RORB: variants seen among roughly 807,000 people sequenced by gnomAD.
The protein encoded by RORB is nuclear receptor ROR-beta.
Under a neutral mutation model 59.1 loss-of-function variants are expected in RORB, and 6 were observed. The ratio of observed to expected loss-of-function variants is 0.10; its 90% CI spans 0.06 to 0.20. RORB has a LOEUF of 0.20. Among genes scored for constraint, RORB ranks in the 10% least tolerant of loss-of-function variants. The probability of loss-of-function intolerance (pLI) is 1.00; values close to 1 mark genes in which losing one functional copy is unlikely to be tolerated. For synonymous variants in RORB, 215 were observed against 204.5 expected (o/e 1.05, Z -0.44); for missense variants, 320 against 560.5 (o/e 0.57, Z 4.33).
In RORB at chr9:74,565,537, T is replaced by C. The variant is rs568050702; in HGVS notation, c.8-64745T>C. Among the ~76,000 whole-genome samples, 10 of 152,288 alleles carry C rather than the reference T, an allele frequency of 6.6e-5. No homozygotes were observed. In the South Asian group the frequency reaches 1.9e-3, roughly 28 times the overall value. On this transcript the variant is annotated intron_variant, in intron 1 of 9. Coordinates refer to ENST00000376896, the MANE Select transcript of RORB (RefSeq NM_006914.4). ...CTGTACCTTAGAGATCAAAGTGGTT[T>C]TGTTTACTTTTAATTTGATAAGTAG...
In RORB at chr9:74,667,891, G is replaced by C. The variant is rs267602268; in HGVS notation, c.1101G>C (p.Leu367=). The change falls in exon 8 of 10, where the codon CTG becomes CTC. Residue 367 remains leucine (L), a synonymous_variant. Coordinates refer to ENST00000376896, the MANE Select transcript of RORB (RefSeq NM_006914.4). ...TCGCTTTGTTCTCATCTGCTGTTCT[G>C]ATATCTCCAGGTAGGGCAGTCTCAG... The part of the protein sequence containing the change: ...EEIALFSSAV[L]ISPDRAWLIE... The C allele has an allele frequency of 1.2e-6, 2 of 1,601,794 alleles. No individual in the cohort carries two copies. The highest frequency in any genetic ancestry group is 1.7e-6 in the Non-Finnish European group (2 of 1,168,976).
At chr9:74,499,897 A>G (rs926679908) in intron 1 of RORB, among the ~76,000 whole-genome samples, 4 of 152,150 alleles carry the variant, frequency 2.6e-5, no homozygotes, top group Admixed American at 1.3e-4. Context: ...GACCTAGGGC[A>G]TAAAATCCGC....
At chr9:74,581,129 T>C (rs1822716758) in intron 1 of RORB, among the ~76,000 whole-genome samples, 1 of 152,124 alleles carries the variant, frequency 6.6e-6, no homozygotes, top group Admixed American at 6.6e-5. Context: ...TAAGAATGTA[T>C]TTACTAGCTT....
At chr9:74,654,363 AGAG>A (rs1824046248) in intron 4 of RORB, among the ~76,000 whole-genome samples, 2 of 145,760 alleles carry the variant, frequency 1.4e-5, no homozygotes, top group African/African-American at 5.3e-5. Flanking sequence ...AGAGAGAGAG[AGAG>A]AGAGAGTAAG....
chr9:74,624,135 T>C (rs772718385), intron 1 of RORB, among the ~76,000 whole-genome samples: 1 of 152,182 alleles, frequency 6.6e-6, no homozygotes, highest in African/African-American at 2.4e-5. Context: ...CATTATCATA[T>C]GGTAGTAATT....
chr9:74,570,755 CCA>C (rs1180553008), intron 1 of RORB, among the ~76,000 whole-genome samples: 2 of 151,986 alleles, frequency 1.3e-5, no homozygotes, highest in African/African-American at 4.8e-5. Context: ...ATGTGTCTCA[CCA>C]CAGAGCCTGA....
Position 74,533,795 on chromosome 9 carries a change from G to A in RORB, c.7+35812G>A, listed in dbSNP as rs763374148. 2.0e-5 allele frequency among the ~76,000 whole-genome samples: 3 copies of A among 151,796 alleles called. 1 individual carries two copies. Among genetic ancestry groups the A allele is most frequent in the Non-Finnish European group, 4.4e-5 (3 of 67,946 alleles). ...TAATTCCTTTTTACTAAATATATTC[G>A]TGCTGAAATTTCAGACTTTTAAGAA... On this transcript the variant is annotated intron_variant, in intron 1 of 9. Coordinates refer to ENST00000376896, the MANE Select transcript of RORB (RefSeq NM_006914.4).
At chr9:74,633,312 G>A (rs2118428460) in intron 2 of RORB, among the ~76,000 whole-genome samples, 1 of 152,296 alleles carries the variant, frequency 6.6e-6, no homozygotes, top group East Asian at 1.9e-4. Flanking sequence ...GGCCCTGCTT[G>A]TTCATCCTGT....
At chr9:74,650,438 C>G (rs1476613247) in intron 4 of RORB, among the ~76,000 whole-genome samples, 6 of 152,132 alleles carry the variant, frequency 3.9e-5, no homozygotes, top group African/African-American at 1.4e-4. Flanking sequence ...TGGGGATTAG[C>G]ATACTTTGGT....
chr9:74,584,268 A>G (rs1436193166), intron 1 of RORB, among the ~76,000 whole-genome samples: 1 of 152,172 alleles, frequency 6.6e-6, no homozygotes, highest in African/African-American at 2.4e-5. Flanking sequence ...GCATGTATAG[A>G]TAGTATGATG....
intron 1 of RORB, among the ~76,000 whole-genome samples, chr9:74,593,238 G>A (rs1270710201): frequency 2.0e-5 from 3 of 151,992 alleles, no homozygotes; most frequent in Non-Finnish European, 2.9e-5. Context: ...AGGCCAAGGC[G>A]GGTGGATCAC....
intron 1 of RORB, among the ~76,000 whole-genome samples, chr9:74,523,173 A>G (rs911706412): frequency 7.9e-5 from 12 of 151,258 alleles, no homozygotes; most frequent in African/African-American, 2.7e-4. Flanking sequence ...GTTTTCTGTC[A>G]TTTCTCAGTT....
intron 4 of RORB, among the ~76,000 whole-genome samples, chr9:74,653,658 G>T (rs1256417268): frequency 6.6e-6 from 1 of 152,086 alleles, no homozygotes; most frequent in Non-Finnish European, 1.5e-5. Context: ...TGGGCCTCCG[G>T]TGCTCTTGGT....
In RORB at chr9:74,525,807, C is replaced by A. The variant is rs1026262956; in HGVS notation, c.7+27824C>A. Among the ~76,000 whole-genome samples, 6 of 152,030 alleles carry A rather than the reference C, an allele frequency of 3.9e-5. 1 individual carries two copies. The highest frequency in any genetic ancestry group is 3.4e-3 in the Middle Eastern group (1 of 294). ...CAGGAACCCTTTGCGTCCCGAAATT[C>A]CCAACTAAATGAATCTTTTTTAAAG... On this transcript the variant is annotated intron_variant, in intron 1 of 9. Coordinates refer to ENST00000376896, the MANE Select transcript of RORB (RefSeq NM_006914.4).
chr9:74,581,899 A>G (rs1410752688), intron 1 of RORB, among the ~76,000 whole-genome samples: 3 of 152,190 alleles, frequency 2.0e-5, no homozygotes, highest in African/African-American at 4.8e-5. Context: ...TGCTTTATAC[A>G]TGTGTAGATG....
At chr9:74,641,677 G>A (rs1241606059) in intron 3 of RORB, among the ~76,000 whole-genome samples, 2 of 152,012 alleles carry the variant, frequency 1.3e-5, no homozygotes, top group African/African-American at 4.8e-5. Flanking sequence ...GAGACAGGAG[G>A]CTCACTTGAG....
intron 1 of RORB, among the ~76,000 whole-genome samples, chr9:74,628,204 A>G (rs1823553379): frequency 6.6e-6 from 1 of 152,212 alleles, no homozygotes; most frequent in South Asian, 2.1e-4. Context: ...TCTTGAAAAC[A>G]AATACTAGCT....
chr9:74,567,169 G>A (rs920406644), intron 1 of RORB, among the ~76,000 whole-genome samples: 5 of 151,836 alleles, frequency 3.3e-5, no homozygotes, highest in Non-Finnish European at 5.9e-5. Context: ...GGAAATACAC[G>A]CACACACCAC....
intron 4 of RORB, among the ~76,000 whole-genome samples, chr9:74,654,243 T>A (rs1587407935): frequency 6.6e-6 from 1 of 152,212 alleles, no homozygotes; most frequent in East Asian, 1.9e-4. Flanking sequence ...ACATTGGACT[T>A]TCTTTCTTAC....
Sources: allele counts gnomAD v4.1 joint callset (sites outside exome capture counted in the v4.1 genomes callset), GRCh38; gene constraint gnomAD v4.1.1; transcripts MANE v1.5; gene names NCBI Gene and HGNC (gene_info 2026-07-23, HGNC 2026-07-21).